GLDC: variants seen among roughly 807,000 people sequenced by gnomAD.
GLDC encodes the protein glycine decarboxylase.
A neutral mutation model predicts 121.3 loss-of-function variants in GLDC; 104 were observed. The ratio of observed to expected loss-of-function variants is 0.86; its 90% CI spans 0.73 to 1.01. The LOEUF is 1.01. GLDC is among the 50% of genes least tolerant of loss of function. The probability of loss-of-function intolerance (pLI) is 0.00; values close to 1 mark genes in which losing one functional copy is unlikely to be tolerated. For synonymous variants in GLDC, 546 were observed against 480.6 expected, an observed-to-expected ratio of 1.14 and a Z score of -1.78; for missense variants, 1,429 against 1,306.6, an observed-to-expected ratio of 1.09 and a Z score of -1.44.
At position 6,550,507 on chromosome 9, in the gene GLDC, G is replaced by A. The variant is rs181172238; in HGVS notation, c.2569+296C>T. 1.8e-3 allele frequency among the ~76,000 whole-genome samples: 272 copies of A among 152,166 alleles called. No homozygotes were observed. Among genetic ancestry groups the A allele is most frequent in the Non-Finnish European group, 3.4e-4 (23 of 67,992 alleles). ...CCGGGCATGGTGGTGCACACGTGTAGTCCCAGCTACTCGGGAGGCTGAGGC... is the reference window on the plus strand; with the variant it reads ...CCGGGCATGGTGGTGCACACGTGTAATCCCAGCTACTCGGGAGGCTGAGGC... On this transcript the variant is annotated intron_variant, in intron 21 of 24. Coordinates refer to ENST00000321612, the MANE Select transcript of GLDC (RefSeq NM_000170.3).
At chr9:6,631,824 T>G (rs867363025) in intron 2 of GLDC, among the ~76,000 whole-genome samples, 1 of 152,188 alleles carries the variant, frequency 6.6e-6, no homozygotes, top group Non-Finnish European at 1.5e-5. Flanking sequence ...CCCAGCAATT[T>G]GGGAGGCTAA....
chr9:6,592,906 ACCT>A lies in GLDC; in HGVS notation c.1343_1345del (p.Glu448del). 6.2e-7 allele frequency: 1 copy of A among 1,614,002 alleles called. No homozygotes were observed. Among genetic ancestry groups the A allele is most frequent in the East Asian group, 2.2e-5 (1 of 44,890 alleles). ...CTGCCGCTGAGCGGCCCTGCCCAAG[ACCT>A]CCTTCACTGAGCAGCCACACTGAAT... On this transcript the variant is annotated inframe_deletion, in exon 10 of 25. Transcript: ENST00000321612.
At chr9:6,558,412 G>C (rs1817679617) in intron 17 of GLDC, 147 bp downstream of exon 17, 11 of 877,516 alleles carry the variant, frequency 1.3e-5, no homozygotes, top group African/African-American at 3.3e-5. Context: ...GGTGATGGGA[G>C]GGGTAGAGTA....
At chr9:6,541,895 A>G (rs1250863148) in intron 21 of GLDC, 1 of 148,428 alleles carries the variant, frequency 6.7e-6, no homozygotes, top group Non-Finnish European at 1.5e-5. Flanking sequence ...GAATATACTG[A>G]AACTGCATAT....
chr9:6,573,635 G>C (rs1249514453), intron 15 of GLDC, among the ~76,000 whole-genome samples: 1 of 152,116 alleles, frequency 6.6e-6, no homozygotes, highest in Non-Finnish European at 1.5e-5. Flanking sequence ...GTAAGGGTTT[G>C]GTGTTGGACA....
chr9:6,540,957 G>A (rs1226485145), intron 21 of GLDC: 1 of 152,068 alleles, frequency 6.6e-6, no homozygotes, highest in African/African-American at 2.4e-5. Flanking sequence ...AGGAGTTCCA[G>A]ACCAGCCAGG....
At chr9:6,548,753 C>A (rs1167039275) in intron 21 of GLDC, among the ~76,000 whole-genome samples, 2 of 152,212 alleles carry the variant, frequency 1.3e-5, no homozygotes, top group African/African-American at 4.8e-5. Flanking sequence ...CCTGCTCTTA[C>A]TCTGGGCCCA....
intron 15 of GLDC, among the ~76,000 whole-genome samples, chr9:6,571,162 C>T (rs187326085): frequency 8.6e-5 from 13 of 151,902 alleles, no homozygotes; most frequent in African/African-American, 3.1e-4. Context: ...ACTGGAATAG[C>T]TACTTTTTTT....
At position 6,556,241 on chromosome 9, in the gene GLDC, A is replaced by T. The variant is rs753301368; in HGVS notation, c.2114T>A (p.Val705Glu). The T allele has an allele frequency of 1.2e-6, 2 of 1,611,012 alleles. No individual in the cohort carries two copies. The highest frequency in any genetic ancestry group is 1.7e-6 in the Non-Finnish European group (2 of 1,177,340). Reference sequence around the variant, plus strand: ...CACGTCACTGATGTTCTCTTCAAACACCCCATTGGTGGATGGGTATGTAAT... The same window carrying T: ...CACGTCACTGATGTTCTCTTCAAACTCCCCATTGGTGGATGGGTATGTAAT... ...IMITYPSTNG[V>E]FEENISDVCD... The change falls in exon 18 of 25, where the codon GTG becomes GAG. Residue 705 changes from valine (V) to glutamate (E), a missense_variant. Transcript: ENST00000321612.
Position 6,532,892 on chromosome 9 carries a change from T to G in GLDC, c.*125A>C. The stretch of plus-strand genomic sequence containing the variant: ...TATTTACATTTACCTTGACAGAGAT[T>G]ACAGAGATATACACAGTATATAAAA... On this transcript the variant is annotated 3_prime_UTR_variant, in exon 25 of 25. Transcript: ENST00000321612. 1.3e-6 allele frequency: 1 copy of G among 774,054 alleles called. No homozygotes were observed. Among genetic ancestry groups the G allele is most frequent in the Middle Eastern group, 3.6e-4 (1 of 2,746 alleles). 47.9% of individuals were successfully genotyped at this position (774,054 alleles called of 1,614,324 possible). A position where few individuals can be genotyped will look rare whatever the true frequency, so the allele number is the denominator to read the frequency against.
chr9:6,611,578 C>T (rs1160148325), intron 3 of GLDC, among the ~76,000 whole-genome samples: 2 of 151,352 alleles, frequency 1.3e-5, no homozygotes, highest in African/African-American at 2.4e-5. Flanking sequence ...AAAATTAGTA[C>T]ATCATGAACA....
At chr9:6,627,517 A>G (rs1410496657) in intron 2 of GLDC, among the ~76,000 whole-genome samples, 1 of 152,094 alleles carries the variant, frequency 6.6e-6, no homozygotes, top group Non-Finnish European at 1.5e-5. Flanking sequence ...ATTGGTTCTC[A>G]TGATAGCTTG....
At chr9:6,640,521 C>T (rs1819608267) in intron 2 of GLDC, among the ~76,000 whole-genome samples, 1 of 152,238 alleles carries the variant, frequency 6.6e-6, no homozygotes, top group Non-Finnish European at 1.5e-5. Context: ...CGCTCACTGC[C>T]CTCCATTAAC....
In GLDC at chr9:6,645,390, C is replaced by G; in HGVS notation, c.110G>C (p.Ser37Thr). 1 of 1,517,388 alleles carries G rather than the reference C, an allele frequency of 6.6e-7. No individual in the cohort carries two copies. The highest frequency in any genetic ancestry group is 2.7e-5 in the East Asian group (1 of 37,560). The allele number at this position is 1,517,388 out of a possible 1,614,324, so 94.0% of individuals were successfully genotyped here. The change falls in exon 1 of 25, where the codon AGC (serine) becomes ACC (threonine). Residue 37 changes from serine (S) to threonine (T), a missense_variant. Transcript: ENST00000321612. ...GPCWAPRSRD[S>T]SSGGGDSAAA... is the part of the protein sequence containing the mutation. ...GGCGCTGTCCCCGCCGCCACTGCTGCTGTCCCGGCTCCGCGGCGCCCAGCA... is the reference window on the plus strand; with the variant it reads ...GGCGCTGTCCCCGCCGCCACTGCTGGTGTCCCGGCTCCGCGGCGCCCAGCA...
rs554328516 is a variant in GLDC, at chr9:6,607,728, C to T, written c.636-1059G>A. Among the ~76,000 whole-genome samples, 113 of 152,072 alleles carry T rather than the reference C, an allele frequency of 7.4e-4. 4 individuals carry two copies. The South Asian group carries it at 0.023, about 31-fold the overall frequency. On this transcript the variant is annotated intron_variant, in intron 4 of 24. Transcript: ENST00000321612. ...GCGCCATCACAGCTCACTGCAACCT[C>T]GACCTCCAAGGTTCAAGTGCTCCTT...
At chr9:6,615,643 A>C (rs10975691) in intron 3 of GLDC, among the ~76,000 whole-genome samples, 34,203 of 151,624 alleles carry the variant, frequency 0.23, 4,450 homozygotes, top group East Asian at 0.42. Flanking sequence ...AACGGAGTCT[A>C]ACTGTCACCC....
intron 3 of GLDC, among the ~76,000 whole-genome samples, chr9:6,612,183 ACACT>A (rs778654979): frequency 2.0e-4 from 30 of 147,098 alleles, no homozygotes; most frequent in Non-Finnish European, 4.0e-4. Context: ...ACACACACAC[ACACT>A]CACTCTCTCA....
intron 21 of GLDC, among the ~76,000 whole-genome samples, chr9:6,547,007 G>C (rs1051069177): frequency 1.3e-5 from 2 of 151,878 alleles, no homozygotes; most frequent in African/African-American, 4.8e-5. Flanking sequence ...GCATTATGTA[G>C]TGAATACATA....
chr9:6,534,640 G>T (rs1029793234), intron 24 of GLDC, 68 bp downstream of exon 24: 1 of 803,884 alleles, frequency 1.2e-6, no homozygotes. Context: ...GGCTAAGAGC[G>T]TACACCCGTC....
Sources: gnomAD v4.1 joint callset for allele counts (sites outside exome capture counted in the v4.1 genomes callset) on GRCh38, gnomAD v4.1.1 for gene constraint, MANE v1.5 for transcripts, NCBI Gene and HGNC (gene_info 2026-07-23, HGNC 2026-07-21) for gene names.